Variants in ZDHHC11 observed in about 807,000 individuals in gnomAD.
ZDHHC11 encodes the protein palmitoyltransferase ZDHHC11.
A neutral mutation model predicts 51.3 loss-of-function variants in ZDHHC11; 44 were observed. The ratio of observed to expected loss-of-function variants is 0.86; its 90% CI spans 0.67 to 1.10. The LOEUF (loss-of-function observed/expected upper bound fraction) is 1.10. Ranked by LOEUF, ZDHHC11 falls within the 50% of genes least tolerant of loss-of-function variation. The pLI, the probability that ZDHHC11 is intolerant of heterozygous loss-of-function variation, is 0.00. For missense variants in ZDHHC11, 400 were observed against 537.7 expected (o/e 0.74, Z 2.53); for synonymous variants, 163 against 222.0 (o/e 0.73, Z 2.36).
chr5:857,528 G>A (rs960775840), intron 1 of ZDHHC11, among the ~76,000 whole-genome samples: 6 of 151,576 alleles, frequency 4.0e-5, no homozygotes, highest in African/African-American at 1.2e-4. Flanking sequence ...ATGACACCAG[G>A]CCCCTAGAGT....
intron 8 of ZDHHC11, chr5:824,010 C>T (rs1461005420): frequency 2.2e-6 from 1 of 452,472 alleles, no homozygotes; most frequent in East Asian, 7.0e-5. Context: ...CGTCGCTGTT[C>T]CTCCAGGCTG....
At chr5:820,967 C>A (rs141722450) in intron 9 of ZDHHC11, among the ~76,000 whole-genome samples, 1 of 151,318 alleles carries the variant, frequency 6.6e-6, no homozygotes, top group African/African-American at 2.4e-5. Flanking sequence ...GAAAAGGGGC[C>A]TTTCAATTTG....
At chr5:828,390 G>A (rs1468400472) in intron 7 of ZDHHC11, among the ~76,000 whole-genome samples, 2 of 149,384 alleles carry the variant, frequency 1.3e-5, no homozygotes, top group Admixed American at 1.3e-4. Flanking sequence ...TCCTGGACGG[G>A]GCGGCTGGCC....
At chr5:811,981 AGAAAAGGGGGCCTTT>A (rs1415471630) in intron 11 of ZDHHC11, among the ~76,000 whole-genome samples, 47 of 139,928 alleles carry the variant, frequency 3.4e-4, no homozygotes, top group African/African-American at 1.1e-3. Context: ...GGCAAGCACT[AGAAAAGGGGGCCTTT>A]GAATTAGATG....
chr5:856,568 CCA>C (rs774415054), intron 1 of ZDHHC11, among the ~76,000 whole-genome samples: 2 of 150,842 alleles, frequency 1.3e-5, no homozygotes, highest in Non-Finnish European at 3.0e-5. Flanking sequence ...CACACATGCA[CCA>C]CACACCACAC....
At chr5:815,254 G>A (rs775966701) in intron 10 of ZDHHC11, among the ~76,000 whole-genome samples, 10 of 151,618 alleles carry the variant, frequency 6.6e-5, no homozygotes, top group Non-Finnish European at 1.0e-4. Context: ...TGCAGACACC[G>A]TGCTCTGGGA....
At position 805,048 on chromosome 5, in the gene ZDHHC11, T is replaced by G. The variant is rs180740737; in HGVS notation, c.1182-3884A>C. ...CATATTACAATAATTATAAATATTG[T>G]TAATGGGTGCACACTGTATAAAGAT... On this transcript the variant is annotated intron_variant, in intron 11 of 12. Transcript: ENST00000283441. 3.0e-3 allele frequency among the ~76,000 whole-genome samples: 460 copies of G among 151,492 alleles called. 9 individuals are homozygous for G. Among genetic ancestry groups the G allele is most frequent in the Middle Eastern group, 6.8e-3 (2 of 294 alleles).
upstream of ZDHHC11, among the ~76,000 whole-genome samples, chr5:854,035 C>T (rs1228962798): frequency 2.7e-5 from 4 of 149,246 alleles, no homozygotes; most frequent in South Asian, 2.1e-4. Flanking sequence ...GGGGACAGAC[C>T]GCACAGAGGA....
rs1270150282 is a variant in ZDHHC11 at position 795,664 on chromosome 5, T to TA, written c.*923dup. 3.9e-5 allele frequency: 6 copies of TA among 153,950 alleles called. No individual in the cohort carries two copies. Among genetic ancestry groups the TA allele is most frequent in the Non-Finnish European group, 8.8e-5 (6 of 67,922 alleles). 9.5% of individuals were successfully genotyped at this position (153,950 alleles called of 1,614,324 possible). A position where few individuals can be genotyped will look rare whatever the true frequency, so the allele number is the denominator to read the frequency against. The stretch of plus-strand genomic sequence containing the variant: ...TGATTATCTTTTAAAAAATGACTAC[T>TA]AAACAGATTAAAATGCAGAGTTCAT... On this transcript the variant is annotated 3_prime_UTR_variant, in exon 13 of 13. Coordinates refer to ENST00000283441, the MANE Select transcript of ZDHHC11 (RefSeq NM_024786.3).
chr5:799,940 TGAAG>T (rs1209625613), intron 12 of ZDHHC11, among the ~76,000 whole-genome samples: 2 of 151,468 alleles, frequency 1.3e-5, no homozygotes, highest in Admixed American at 6.6e-5. Context: ...TCCTGCCTCA[TGAAG>T]ACCCTGTGCT....
chr5:810,337 C>G (rs1308449443), intron 11 of ZDHHC11, among the ~76,000 whole-genome samples: 2 of 149,786 alleles, frequency 1.3e-5, no homozygotes, highest in Non-Finnish European at 3.0e-5. Flanking sequence ...GCTCCCTGTT[C>G]CCACTTTCAT....
At chr5:818,570 C>CTAGG (rs1741139290) in intron 10 of ZDHHC11, among the ~76,000 whole-genome samples, 1 of 151,644 alleles carries the variant, frequency 6.6e-6, no homozygotes, top group African/African-American at 2.4e-5. Context: ...CAGATGGATT[C>CTAGG]CCCCACAGCC....
At position 850,632 on chromosome 5, in the gene ZDHHC11, C is replaced by T. The variant is rs1455874554; in HGVS notation, c.-30G>A. On this transcript the variant is annotated 5_prime_UTR_variant, in exon 1 of 13. Transcript: ENST00000283441. ...AGGACACAGAAGGGGAGGACCTGCG[C>T]CGTCAGATCCTGGGAGGGCCGGCCC... 6.2e-6 allele frequency: 10 copies of T among 1,605,654 alleles called. No individual in the cohort carries two copies. Among genetic ancestry groups the T allele is most frequent in the Non-Finnish European group, 8.5e-6 (10 of 1,176,988 alleles).
At chr5:857,033 ACAC>A (rs1322101870) in intron 1 of ZDHHC11, among the ~76,000 whole-genome samples, 5 of 151,218 alleles carry the variant, frequency 3.3e-5, no homozygotes, top group African/African-American at 9.7e-5. Flanking sequence ...AGAATACCAC[ACAC>A]AACACACAAT....
intron 6 of ZDHHC11, among the ~76,000 whole-genome samples, chr5:835,299 T>C (rs556910585): frequency 0.02 from 2,952 of 149,126 alleles, 95 homozygotes; most frequent in African/African-American, 0.07. Flanking sequence ...GTACCACTTG[T>C]TGAACTATAA....
At chr5:805,748 G>A (rs1284977022) in intron 11 of ZDHHC11, among the ~76,000 whole-genome samples, 5 of 151,052 alleles carry the variant, frequency 3.3e-5, no homozygotes, top group East Asian at 1.9e-4. Context: ...TAAAAGTCAG[G>A]GATTGGCGGA....
intron 1 of ZDHHC11, among the ~76,000 whole-genome samples, chr5:849,964 T>C (rs1746897123): frequency 6.6e-6 from 1 of 151,694 alleles, no homozygotes; most frequent in South Asian, 2.1e-4. Context: ...CCTCGCAGTG[T>C]GGCCTAAGCT....
At chr5:835,536 A>G (rs145610197) in intron 6 of ZDHHC11, among the ~76,000 whole-genome samples, 5,663 of 151,190 alleles carry the variant, frequency 0.037, 199 homozygotes, top group African/African-American at 0.13. Context: ...AAGTTCTCCA[A>G]TTTTATTTTT....
intron 7 of ZDHHC11, among the ~76,000 whole-genome samples, chr5:829,463 C>G (rs1405344831): frequency 6.6e-6 from 1 of 151,826 alleles, no homozygotes; most frequent in Non-Finnish European, 1.5e-5. Flanking sequence ...GAAATAGAAA[C>G]TCTTAACAGA....
Sources: gnomAD v4.1 joint callset for allele counts (sites outside exome capture counted in the v4.1 genomes callset) on GRCh38, gnomAD v4.1.1 for gene constraint, MANE v1.5 for transcripts, NCBI Gene and HGNC (gene_info 2026-07-23, HGNC 2026-07-21) for gene names.